LRP2: variants seen among roughly 807,000 people sequenced by gnomAD.
LRP2 encodes LDL receptor related protein 2.
Under a neutral mutation model 531.0 loss-of-function variants are expected in LRP2, and 172 were observed. The ratio of observed to expected loss-of-function variants is 0.32; its 90% CI spans 0.29 to 0.37. The LOEUF is 0.37. LRP2 is among the 10% of genes least tolerant of loss of function. The pLI is 1.00. For synonymous variants in LRP2, 1,992 were observed against 2,027.6 expected, an observed-to-expected ratio of 0.98 and a Z score of 0.47; for missense variants, 5,167 against 5,868.3, an observed-to-expected ratio of 0.88 and a Z score of 3.90.
intron 16 of LRP2, among the ~76,000 whole-genome samples, chr2:169,262,832 C>G (rs1218721199): frequency 6.6e-6 from 1 of 152,088 alleles, no homozygotes; most frequent in Non-Finnish European, 1.5e-5. Context: ...ATCACACTAC[C>G]TGACTTCAAA....
intron 1 of LRP2, among the ~76,000 whole-genome samples, chr2:169,342,849 A>G (rs1685602344): frequency 6.6e-6 from 1 of 152,262 alleles, no homozygotes. Context: ...TGTAATTATT[A>G]ACCAAGTCTA....
At chr2:169,292,675 A>G (rs1195489953) in intron 6 of LRP2, among the ~76,000 whole-genome samples, 1 of 151,854 alleles carries the variant, frequency 6.6e-6, no homozygotes, top group Non-Finnish European at 1.5e-5. Context: ...AAAAATAAAA[A>G]TAAATAGCCA....
intron 38 of LRP2, among the ~76,000 whole-genome samples, chr2:169,208,685 G>C (rs779084195): frequency 6.6e-6 from 1 of 152,112 alleles, no homozygotes; most frequent in East Asian, 1.9e-4. Context: ...TCAAACTCTT[G>C]ACCTCAGGTG....
chr2:169,255,754 C>T (rs1040898060), intron 19 of LRP2, among the ~76,000 whole-genome samples: 3 of 152,130 alleles, frequency 2.0e-5, no homozygotes, highest in South Asian at 4.1e-4. Flanking sequence ...ACAGCTCTTG[C>T]TGTTTTATTC....
Position 169,273,860 on chromosome 2 carries a change from T to C in LRP2, c.1976-793A>G, listed in dbSNP as rs576849825. 2.2e-4 allele frequency among the ~76,000 whole-genome samples: 34 copies of C among 152,342 alleles called. No homozygotes were observed. The East Asian group carries it at 3.5e-3, about 16-fold the overall frequency. ...GTAATTTGAGTGATCACATTGATCA[T>C]TGATCTAATGGATCTAATGTGAGGG... is the stretch of plus-strand genomic sequence containing the variant. On this transcript the variant is annotated intron_variant, in intron 14 of 78. Coordinates refer to ENST00000649046, the MANE Select transcript of LRP2 (RefSeq NM_004525.3).
At chr2:169,309,884 T>C (rs571997173) in intron 3 of LRP2, among the ~76,000 whole-genome samples, 2 of 152,340 alleles carry the variant, frequency 1.3e-5, no homozygotes, top group African/African-American at 4.8e-5. Flanking sequence ...TTTGTTTGTG[T>C]CCTCTTTTAT....
chr2:169,175,200 A>T lies in LRP2; in HGVS notation c.10761T>A (p.Leu3587=), dbSNP rs1398236943. The part of the protein sequence containing the change: ...NCPDGSDEDR[L]LCENHHCDSN... ...TAAAGCGACTCAACACACCACAAAG[A>T]AGACGGTCTTCATCAGACCCATCAG... Residue 3587 remains leucine, a synonymous_variant, in exon 55 of 79, where the codon CTT becomes CTA. Coordinates refer to ENST00000649046, the MANE Select transcript of LRP2 (RefSeq NM_004525.3). The T allele has an allele frequency of 1.2e-6, 2 of 1,614,106 alleles. No individual in the cohort carries two copies. Among genetic ancestry groups the T allele is most frequent in the Non-Finnish European group, 8.5e-7 (1 of 1,179,958 alleles).
intron 65 of LRP2, among the ~76,000 whole-genome samples, chr2:169,155,081 C>A (rs1686282875): frequency 6.6e-6 from 1 of 152,120 alleles, no homozygotes; most frequent in African/African-American, 2.4e-5. Flanking sequence ...GCTCTATGAC[C>A]CAATTTAGCT....
intron 4 of LRP2, among the ~76,000 whole-genome samples, chr2:169,302,053 A>G (rs1684298584): frequency 6.6e-6 from 1 of 152,110 alleles, no homozygotes; most frequent in Non-Finnish European, 1.5e-5. Context: ...TAGAAAAACA[A>G]AAGCCCCATT....
chr2:169,343,986 C>T (rs1411848984), intron 1 of LRP2, among the ~76,000 whole-genome samples: 2 of 152,138 alleles, frequency 1.3e-5, no homozygotes, highest in Non-Finnish European at 2.9e-5. Flanking sequence ...ATTCAAGATG[C>T]CAAATATCCC....
intron 50 of LRP2, among the ~76,000 whole-genome samples, chr2:169,184,614 T>C (rs1687561574): frequency 6.6e-6 from 1 of 152,210 alleles, no homozygotes; most frequent in Non-Finnish European, 1.5e-5. Flanking sequence ...GTTCATCTGG[T>C]AGTTTAGTTA....
chr2:169,247,591 AG>A, intron 19 of LRP2, 76 bp from the exon 20 acceptor site: 1 of 1,501,710 alleles, frequency 6.7e-7, no homozygotes, highest in Non-Finnish European at 9.3e-7. Flanking sequence ...AAAATGCAAT[AG>A]GCTTGAAATG....
chr2:169,138,693 C>G lies in LRP2; in HGVS notation c.13402G>C (p.Val4468Leu). 1 of 1,613,884 alleles carries G rather than the reference C, an allele frequency of 6.2e-7. No individual in the cohort carries two copies. Among genetic ancestry groups the G allele is most frequent in the Admixed American group, 1.7e-5 (1 of 60,000 alleles). Residue 4468 changes from valine to leucine, a missense_variant, in exon 75 of 79, where the codon GTC becomes CTC. Val to Leu is a conservative substitution (Grantham distance 32). Coordinates refer to ENST00000649046, the MANE Select transcript of LRP2 (RefSeq NM_004525.3). ...LPKLPSLSSL[V>L]KPSENGNGVT... is the part of the protein sequence containing the mutation. ...CCATTCCCATTTTCAGAGGGCTTGACGAGACTGCTTAAGCTGGAAAGAAGT... is the reference window on the plus strand; with the variant it reads ...CCATTCCCATTTTCAGAGGGCTTGAGGAGACTGCTTAAGCTGGAAAGAAGT...
At chr2:169,228,853 G>A (rs761239651) in intron 31 of LRP2, among the ~76,000 whole-genome samples, 10 of 152,292 alleles carry the variant, frequency 6.6e-5, no homozygotes, top group South Asian at 2.1e-4. Flanking sequence ...AACAGGTGGC[G>A]CAGGGAGATG....
At position 169,244,711 on chromosome 2, in the gene LRP2, A is replaced by T; in HGVS notation, c.3412T>A (p.Ser1138Thr). ...CDTDNDCGDG[S>T]DEKNCNSTET... The stretch of plus-strand genomic sequence containing the variant: ...AACTTACTGCAGTTCTTTTCATCAG[A>T]TCCATCCCCACAATCATTGTCTGTG... The change falls in exon 22 of 79, where the codon TCT becomes ACT. Residue 1138 changes from serine (S) to threonine (T), a missense_variant. By Grantham distance (58) the Ser-to-Thr change is moderately conservative. Coordinates refer to ENST00000649046, the MANE Select transcript of LRP2 (RefSeq NM_004525.3). 6.2e-7 allele frequency: 1 copy of T among 1,614,260 alleles called. No homozygotes were observed. Among genetic ancestry groups the T allele is most frequent in the Non-Finnish European group, 8.5e-7 (1 of 1,180,058 alleles).
intron 68 of LRP2, among the ~76,000 whole-genome samples, chr2:169,149,655 G>A (rs968518085): frequency 2.6e-5 from 4 of 152,036 alleles, no homozygotes; most frequent in African/African-American, 9.7e-5. Context: ...TGCCCAACAT[G>A]GTGAAACCCT....
intron 1 of LRP2, among the ~76,000 whole-genome samples, chr2:169,340,838 G>A (rs1210267543): frequency 6.6e-6 from 1 of 152,134 alleles, no homozygotes; most frequent in African/African-American, 2.4e-5. Context: ...CACCATGATG[G>A]AGTTGCTTTA....
At chr2:169,183,879 C>G (rs1254981034) in intron 50 of LRP2, among the ~76,000 whole-genome samples, 1 of 152,044 alleles carries the variant, frequency 6.6e-6, no homozygotes, top group African/African-American at 2.4e-5. Flanking sequence ...TTCAGTGTAG[C>G]TAGTATCTTA....
intron 36 of LRP2, among the ~76,000 whole-genome samples, chr2:169,213,098 C>A (rs996217574): frequency 1.3e-5 from 2 of 151,912 alleles, no homozygotes; most frequent in Non-Finnish European, 2.9e-5. Flanking sequence ...AAAAATAATA[C>A]CTGTATCATA....
Sources: allele counts gnomAD v4.1 joint callset (sites outside exome capture counted in the v4.1 genomes callset), GRCh38; gene constraint gnomAD v4.1.1; transcripts MANE v1.5; gene names NCBI Gene and HGNC (gene_info 2026-07-23, HGNC 2026-07-21).